The following ATP13A5 variants were observed in gnomAD, a reference collection of about 807,000 sequenced individuals.
ATP13A5 encodes the protein ATPase 13A5.
ATP13A5 carries 149 observed loss-of-function variants against 150.2 expected under a neutral mutation model. The ratio of observed to expected loss-of-function variants is 0.99; its 90% CI spans 0.87 to 1.14. ATP13A5 has a LOEUF of 1.14. Ranked by LOEUF, ATP13A5 falls within the 50% of genes most tolerant of loss-of-function variation. ATP13A5 has a pLI of 0.00. For missense variants in ATP13A5, 1,383 were observed against 1,449.3 expected, an observed-to-expected ratio of 0.95 and a Z score of 0.74; for synonymous variants, 497 against 522.2, an observed-to-expected ratio of 0.95 and a Z score of 0.66.
At chr3:193,277,864 C>T (rs1270306358) in intron 28 of ATP13A5, 2 of 152,278 alleles carry the variant, frequency 1.3e-5, no homozygotes, top group Non-Finnish European at 2.9e-5. Flanking sequence ...GAGTCTCGCT[C>T]TCTCAGGCTG....
chr3:193,322,678 C>T, intron 14 of ATP13A5, 104 bp from the exon 15 acceptor site: 1 of 809,680 alleles, frequency 1.2e-6, no homozygotes. Flanking sequence ...GCCATTTTTA[C>T]ATATTTTCTC....
At chr3:193,364,078 T>C (rs2108580684) in intron 2 of ATP13A5, 29 bp downstream of exon 2, 7 of 1,610,164 alleles carry the variant, frequency 4.3e-6, no homozygotes, top group African/African-American at 1.3e-5. Context: ...GATCATGGCT[T>C]TCAAAATAGA....
At chr3:193,374,262 C>T (rs1394130881) in intron 1 of ATP13A5, among the ~76,000 whole-genome samples, 2 of 149,010 alleles carry the variant, frequency 1.3e-5, no homozygotes, top group Non-Finnish European at 3.0e-5. Context: ...AGGAGATAAT[C>T]TGTGCATGTA....
At chr3:193,277,742 C>G (rs972519771) in intron 28 of ATP13A5, 1 of 152,218 alleles carries the variant, frequency 6.6e-6, no homozygotes, top group Non-Finnish European at 1.5e-5. Flanking sequence ...GAGAACCTGG[C>G]TCTTTTTCTC....
Position 193,280,910 on chromosome 3 carries a change from T to C in ATP13A5, c.3227-1456A>G, listed in dbSNP as rs191879612. On this transcript the variant is annotated intron_variant, in intron 27 of 29. Transcript: ENST00000342358. ...CCACCCCCAACTCTCTACAGGCCTA[T>C]ACCAACCAGAAATCTGAGGCAACTG... Among the ~76,000 whole-genome samples the C allele has an allele frequency of 3.7e-3, 564 of 152,268 alleles. 7 individuals carry two copies. The highest frequency in any genetic ancestry group is 8.9e-3 in the South Asian group (43 of 4,830).
At chr3:193,346,804 T>C (rs2108887264) in intron 7 of ATP13A5, among the ~76,000 whole-genome samples, 1 of 152,292 alleles carries the variant, frequency 6.6e-6, no homozygotes, top group East Asian at 1.9e-4. Context: ...TTTGGATCAA[T>C]TGAGTGGAAG....
At chr3:193,358,419 CACA>C (rs764333396) in intron 5 of ATP13A5, among the ~76,000 whole-genome samples, 3 of 152,116 alleles carry the variant, frequency 2.0e-5, no homozygotes, top group African/African-American at 4.8e-5. Context: ...GGTTGTATAG[CACA>C]ACAAGAGTGC....
rs560923842 is a variant in ATP13A5 at position 193,310,611 on chromosome 3, ACT to A, written c.2525+25_2525+26del. 8.9e-4 allele frequency: 1,387 copies of A among 1,566,416 alleles called. 13 individuals are homozygous for A. The African/African-American group carries it at 0.017, about 19-fold the overall frequency. ...ATAGGTAGCAAGAGTTAATGAGCAC[ACT>A]CTTCTTTCATGCCATGACACCTACT... is the stretch of plus-strand genomic sequence containing the variant. On this transcript the variant is annotated intron_variant, in intron 21 of 29. Coordinates refer to ENST00000342358, the MANE Select transcript of ATP13A5 (RefSeq NM_198505.4).
intron 1 of ATP13A5, among the ~76,000 whole-genome samples, chr3:193,373,027 C>T (rs1577378032): frequency 6.6e-6 from 1 of 152,076 alleles, no homozygotes; most frequent in Admixed American, 6.6e-5. Context: ...AGTTTTAATC[C>T]TTTGAGTGGT....
In ATP13A5 at chr3:193,331,116, A is replaced by T. The variant is rs1444422090; in HGVS notation, c.1461+7T>A. The T allele has an allele frequency of 6.2e-7, 1 of 1,612,662 alleles. No individual in the cohort carries two copies. ...TTAACATTAAACCTGAGAAGTCTGGATCATACTTTGTCAAAGCACACGAGG... is the reference window on the plus strand; with the variant it reads ...TTAACATTAAACCTGAGAAGTCTGGTTCATACTTTGTCAAAGCACACGAGG... On this transcript the variant is annotated splice_region_variant and intron_variant, in intron 12 of 29. Coordinates refer to ENST00000342358, the MANE Select transcript of ATP13A5 (RefSeq NM_198505.4).
At chr3:193,279,284 G>T in intron 28 of ATP13A5, 82 bp downstream of exon 28, 1 of 1,116,704 alleles carries the variant, frequency 9.0e-7, no homozygotes, top group Non-Finnish European at 1.3e-6. Flanking sequence ...AGAGAATACA[G>T]TAATAATTGA....
intron 1 of ATP13A5, among the ~76,000 whole-genome samples, chr3:193,370,582 C>T (rs1052204475): frequency 1.3e-5 from 2 of 152,176 alleles, no homozygotes; most frequent in African/African-American, 4.8e-5. Context: ...CCTTAATTTC[C>T]TCCTCCACAG....
intron 11 of ATP13A5, 91 bp from the exon 12 acceptor site, chr3:193,331,402 T>C (rs1266817791): frequency 7.3e-6 from 9 of 1,239,854 alleles, no homozygotes; most frequent in South Asian, 1.6e-5. Flanking sequence ...CATTGTCTCC[T>C]ACTGCAGAGC....
chr3:193,341,231 T>C (rs964609634), intron 9 of ATP13A5, among the ~76,000 whole-genome samples: 1 of 147,996 alleles, frequency 6.8e-6, no homozygotes, highest in African/African-American at 2.4e-5. Flanking sequence ...AAGCTAGATC[T>C]TGAAGTTGAT....
intron 14 of ATP13A5, among the ~76,000 whole-genome samples, chr3:193,323,047 C>G (rs1228222850): frequency 6.6e-6 from 1 of 152,094 alleles, no homozygotes; most frequent in Non-Finnish European, 1.5e-5. Context: ...AATTAGAAAG[C>G]CTGTTTGAAA....
intron 26 of ATP13A5, among the ~76,000 whole-genome samples, chr3:193,288,704 G>A (rs1717823839): frequency 6.6e-6 from 1 of 151,970 alleles, no homozygotes; most frequent in Non-Finnish European, 1.5e-5. Flanking sequence ...TATCTCTGAC[G>A]TAGGCCTGTA....
At chr3:193,350,210 TG>T (rs1467246325) in intron 7 of ATP13A5, among the ~76,000 whole-genome samples, 1 of 152,050 alleles carries the variant, frequency 6.6e-6, no homozygotes. Flanking sequence ...CCATATAAGC[TG>T]GTATATATAT....
At chr3:193,338,456 T>C (rs1457329996) in intron 9 of ATP13A5, among the ~76,000 whole-genome samples, 1 of 152,230 alleles carries the variant, frequency 6.6e-6, no homozygotes, top group East Asian at 1.9e-4. Context: ...CTGTTGAATT[T>C]TATGGAAGGA....
intron 9 of ATP13A5, among the ~76,000 whole-genome samples, chr3:193,342,004 G>A (rs115779312): frequency 0.027 from 4,095 of 152,224 alleles, 152 homozygotes; most frequent in African/African-American, 0.079. Flanking sequence ...ATTTGGGAGC[G>A]AATGCCACCT....
Sources: gnomAD v4.1 joint callset for allele counts (sites outside exome capture counted in the v4.1 genomes callset) on GRCh38, gnomAD v4.1.1 for gene constraint, MANE v1.5 for transcripts, NCBI Gene and HGNC (gene_info 2026-07-23, HGNC 2026-07-21) for gene names.